The following MIA2 variants were observed in gnomAD, a reference collection of about 807,000 sequenced individuals.
The protein encoded by MIA2 is MIA SH3 domain ER export factor 2.
MIA2 carries 127 observed loss-of-function variants against 167.8 expected under a neutral mutation model. The observed-to-expected ratio is 0.76, with a 90% CI of 0.66 to 0.88. MIA2 has a LOEUF of 0.88. MIA2 is among the 40% of genes least tolerant of loss of function. The pLI, the probability that MIA2 is intolerant of heterozygous loss-of-function variation, is 0.00. For missense variants in MIA2, 1,690 were observed against 1,624.7 expected (o/e 1.04, Z -0.69); for synonymous variants, 552 against 541.9 (o/e 1.02, Z -0.26).
intron 24 of MIA2, among the ~76,000 whole-genome samples, chr14:39,323,197 C>T (rs1352257761): frequency 6.6e-6 from 1 of 152,062 alleles, no homozygotes; most frequent in African/African-American, 2.4e-5. Context: ...TCTTTCTCCA[C>T]CCTCATTTTG....
At chr14:39,376,458 A>G (rs865796614) in intron 23 of MIA2, among the ~76,000 whole-genome samples, 4 of 152,232 alleles carry the variant, frequency 2.6e-5, no homozygotes, top group Admixed American at 2.0e-4. Flanking sequence ...TATCATTTAA[A>G]AATTATGTTT....
intron 21 of MIA2, among the ~76,000 whole-genome samples, chr14:39,317,225 G>A (rs191014980): frequency 2.0e-5 from 3 of 152,238 alleles, no homozygotes; most frequent in South Asian, 4.1e-4. Flanking sequence ...CACAGACAAG[G>A]TGTGTTTTTA....
intron 23 of MIA2, among the ~76,000 whole-genome samples, chr14:39,371,107 T>C (rs1303349595): frequency 1.3e-5 from 2 of 152,226 alleles, no homozygotes; most frequent in African/African-American, 4.8e-5. Context: ...TTTTAGTGTT[T>C]GTAAATGGTC....
At chr14:39,296,544 G>A (rs1030564756) in intron 13 of MIA2, among the ~76,000 whole-genome samples, 5 of 150,880 alleles carry the variant, frequency 3.3e-5, no homozygotes, top group South Asian at 4.2e-4. Context: ...GCCTCCCAAA[G>A]TGCTAGGATT....
intron 9 of MIA2, among the ~76,000 whole-genome samples, chr14:39,289,362 A>G (rs935223201): frequency 3.3e-5 from 5 of 151,772 alleles, no homozygotes; most frequent in Non-Finnish European, 5.9e-5. Context: ...TTACGAGTAC[A>G]CGTCACCACG....
At chr14:39,359,279 C>T (rs1465948228) in intron 23 of MIA2, among the ~76,000 whole-genome samples, 6 of 152,174 alleles carry the variant, frequency 3.9e-5, no homozygotes, top group East Asian at 1.9e-4. Context: ...GCCTTGCTGT[C>T]GCCTTGCAGT....
chr14:39,277,743 TG>T (rs2152742786), intron 7 of MIA2, among the ~76,000 whole-genome samples: 1 of 3,226 alleles, frequency 3.1e-4, no homozygotes, highest in Admixed American at 2.5e-3. Context: ...TATATATATA[TG>T]TGTGTATATA....
chr14:39,244,864 A>G (rs891361331), intron 3 of MIA2, among the ~76,000 whole-genome samples: 2 of 151,888 alleles, frequency 1.3e-5, no homozygotes, highest in African/African-American at 4.8e-5. Context: ...GGGAGCCTCA[A>G]CCTCCCAGGC....
intron 25 of MIA2, among the ~76,000 whole-genome samples, chr14:39,331,955 T>C (rs961757024): frequency 6.6e-6 from 1 of 152,112 alleles, no homozygotes; most frequent in Non-Finnish European, 1.5e-5. Flanking sequence ...TAGAAGAGTG[T>C]CTTTGTATTT....
intron 23 of MIA2, among the ~76,000 whole-genome samples, chr14:39,376,301 T>C (rs1201437593): frequency 6.6e-6 from 1 of 152,196 alleles, no homozygotes; most frequent in Non-Finnish European, 1.5e-5. Context: ...ATTAGACAAG[T>C]TGATTTCTAA....
At chr14:39,376,158 T>A (rs956498509) in intron 23 of MIA2, among the ~76,000 whole-genome samples, 1 of 152,146 alleles carries the variant, frequency 6.6e-6, no homozygotes, top group African/African-American at 2.4e-5. Flanking sequence ...TTTGCCATGT[T>A]GTCCAGGCTG....
chr14:39,309,944 A>AT (rs34259123), intron 18 of MIA2, among the ~76,000 whole-genome samples: 14 of 149,244 alleles, frequency 9.4e-5, no homozygotes, highest in South Asian at 4.2e-4. Context: ...CATGGCATGT[A>AT]TTTTTTTTTT....
rs749054330 is a variant in MIA2 at position 39,348,819 on chromosome 14, C to A, written c.3914C>A (p.Ala1305Asp). 1 of 1,614,002 alleles carries A rather than the reference C, an allele frequency of 6.2e-7. No individual in the cohort carries two copies. The highest frequency in any genetic ancestry group is 8.5e-7 in the Non-Finnish European group (1 of 1,179,894). The part of the protein sequence containing the change: ...TGPGFVPPPL[A>D]PIRGPLFPVD... Reference sequence around the variant, plus strand: ...CCTGGCTTTGTTCCTCCACCTCTTGCTCCAATCAGAGGTCCATTGTTTCCA... The same window carrying A: ...CCTGGCTTTGTTCCTCCACCTCTTGATCCAATCAGAGGTCCATTGTTTCCA... The change falls in exon 28 of 29, where the codon GCT becomes GAT. Residue 1305 changes from alanine (A) to aspartate (D), a missense_variant. Physicochemically the swap from Ala to Asp is moderately radical, Grantham distance 126. Coordinates refer to ENST00000640607, the MANE Select transcript of MIA2 (RefSeq NM_001329214.4).
intron 6 of MIA2, among the ~76,000 whole-genome samples, chr14:39,263,977 G>A (rs2152662012): frequency 6.6e-6 from 1 of 152,068 alleles, no homozygotes; most frequent in African/African-American, 2.4e-5. Context: ...GGATTCAAGG[G>A]GTACATGTAC....
chr14:39,387,306 G>C (rs1370592591), exon 24 of MIA2: 1 of 205,078 alleles, frequency 4.9e-6, no homozygotes, highest in African/African-American at 2.3e-5. Context: ...ACATTAACTG[G>C]ACTTTGTAAG....
intron 6 of MIA2, among the ~76,000 whole-genome samples, chr14:39,264,235 T>C (rs978305428): frequency 3.3e-5 from 5 of 152,230 alleles, no homozygotes; most frequent in African/African-American, 1.2e-4. Flanking sequence ...TCGCTTAGGA[T>C]AATGGCCTCC....
In MIA2 at chr14:39,342,128, A is replaced by G. The variant is rs542475220; in HGVS notation, c.3656-3776A>G. On this transcript the variant is annotated intron_variant, in intron 25 of 28. Coordinates refer to ENST00000640607, the MANE Select transcript of MIA2 (RefSeq NM_001329214.4). ...GGTGTGCTACACCCATTAACTAGTC[A>G]TTTAGCATTAGGTATCTCTCCTAAT... Among the ~76,000 whole-genome samples, 275 of 151,998 alleles carry G rather than the reference A, an allele frequency of 1.8e-3. 2 individuals carry two copies. Among genetic ancestry groups the G allele is most frequent in the Non-Finnish European group, 2.5e-3 (173 of 67,922 alleles).
intron 6 of MIA2, chr14:39,266,432 A>G: frequency 1.0e-6 from 1 of 985,492 alleles, no homozygotes; most frequent in Non-Finnish European, 1.2e-6. Context: ...GCACCGCGCC[A>G]GGCCAAGGTC....
rs1216352022 is a variant in MIA2, at chr14:39,285,497, C to T, written c.2131-5522C>T. ...GCTGACCCCCCACCTCCCTCCCGGA[C>T]GGGGCGGCTGGCCGGGCGGGGGCTG... On this transcript the variant is annotated intron_variant, in intron 9 of 28. Coordinates refer to ENST00000640607, the MANE Select transcript of MIA2 (RefSeq NM_001329214.4). 3.9e-4 allele frequency among the ~76,000 whole-genome samples: 53 copies of T among 135,478 alleles called. 1 individual carries two copies. Among genetic ancestry groups the T allele is most frequent in the Non-Finnish European group, 5.6e-4 (35 of 62,268 alleles). 88.9% of individuals were successfully genotyped at this position (135,478 alleles called of 152,430 possible).
Sources: gnomAD v4.1 joint callset for allele counts (sites outside exome capture counted in the v4.1 genomes callset) on GRCh38, gnomAD v4.1.1 for gene constraint, MANE v1.5 for transcripts, NCBI Gene and HGNC (gene_info 2026-07-23, HGNC 2026-07-21) for gene names.